CRYL1: variants seen among roughly 807,000 people sequenced by gnomAD.
CRYL1 encodes the protein lambda-crystallin homolog.
In CRYL1, 29 loss-of-function variants were observed where a neutral mutation model predicts 36.6. The observed-to-expected ratio is 0.79, with a 90% CI of 0.59 to 1.08. The LOEUF is 1.08. CRYL1 is among the 50% of genes least tolerant of loss of function. The pLI is 0.00. For missense variants in CRYL1, 411 were observed against 407.9 expected (o/e 1.01, Z -0.06); for synonymous variants, 152 against 151.5 (o/e 1.00, Z -0.02).
At chr13:20,502,095 A>G (rs749381563) in intron 2 of CRYL1, among the ~76,000 whole-genome samples, 1 of 152,116 alleles carries the variant, frequency 6.6e-6, no homozygotes, top group Non-Finnish European at 1.5e-5. Flanking sequence ...TGTTTTAAAA[A>G]TCTGGCATGC....
intron 3 of CRYL1, among the ~76,000 whole-genome samples, chr13:20,476,599 C>T (rs2033172418): frequency 6.6e-6 from 1 of 152,218 alleles, no homozygotes; most frequent in Admixed American, 6.5e-5. Flanking sequence ...GCTGATACCG[C>T]TAGGTGAGCA....
intron 3 of CRYL1, chr13:20,440,040 C>A: frequency 3.4e-6 from 1 of 293,042 alleles, no homozygotes. Flanking sequence ...CTCCCTACAC[C>A]CAGAGAAAAA....
intron 5 of CRYL1, among the ~76,000 whole-genome samples, chr13:20,427,842 T>C (rs2031967106): frequency 1.3e-5 from 2 of 150,678 alleles, no homozygotes. Flanking sequence ...GGGATATCAC[T>C]ACAGACCCTG....
chr13:20,497,742 AAC>A (rs1315420476), intron 2 of CRYL1, among the ~76,000 whole-genome samples: 2 of 148,928 alleles, frequency 1.3e-5, no homozygotes, highest in Non-Finnish European at 3.0e-5. Flanking sequence ...ACATACATAC[AAC>A]TACACACACA....
chr13:20,458,420 C>T (rs2032732954), intron 3 of CRYL1, among the ~76,000 whole-genome samples: 1 of 152,114 alleles, frequency 6.6e-6, no homozygotes, highest in Non-Finnish European at 1.5e-5. Flanking sequence ...GAGCCGTGGA[C>T]CCTTTGAAAT....
rs1218770845 is a variant in CRYL1 at position 20,508,856 on chromosome 13, AAAAAAAAAAAAAAAAAAAAC to A, written c.149+3567_149+3586del. ...GTGGCAGAGCGAGACTCCAAAAAAA[AAAAAAAAAAAAAAAAAAAAC>A]AAAAAAAAAAAACTGACAACAACAA... is the stretch of plus-strand genomic sequence containing the variant. On this transcript the variant is annotated intron_variant, in intron 2 of 7. Transcript: ENST00000298248. Among the ~76,000 whole-genome samples, 130 of 14,944 alleles carry A rather than the reference AAAAAAAAAAAAAAAAAAAAC, an allele frequency of 8.7e-3. 6 individuals carry two copies. Among genetic ancestry groups the A allele is most frequent in the South Asian group, 0.082 (9 of 110 alleles). 9.8% of individuals were successfully genotyped at this position (14,944 alleles called of 152,430 possible). A position where few individuals can be genotyped will look rare whatever the true frequency, so the allele number is the denominator to read the frequency against.
chr13:20,469,426 T>TC lies in CRYL1; in HGVS notation c.276+19943dup, dbSNP rs113082708. Among the ~76,000 whole-genome samples, 612 of 152,270 alleles carry TC rather than the reference T, an allele frequency of 4.0e-3. 3 individuals are homozygous for TC. The highest frequency in any genetic ancestry group is 0.014 in the African/African-American group (595 of 41,540). On this transcript the variant is annotated intron_variant, in intron 3 of 7. Coordinates refer to ENST00000298248, the MANE Select transcript of CRYL1 (RefSeq NM_015974.3). Reference sequence around the variant, plus strand: ...CCAGGAAGCCCTTGAGAAGTTCAGGTCTGGGTCAGCATATACTTTATCATA... The same window carrying TC: ...CCAGGAAGCCCTTGAGAAGTTCAGGTCCTGGGTCAGCATATACTTTATCATA...
intron 3 of CRYL1, among the ~76,000 whole-genome samples, chr13:20,443,795 C>T (rs1235100041): frequency 6.6e-6 from 1 of 152,174 alleles, no homozygotes; most frequent in Non-Finnish European, 1.5e-5. Context: ...AAAGAAAAAA[C>T]AAATTAGAAG....
At chr13:20,414,271 G>T (rs879878134) in intron 5 of CRYL1, among the ~76,000 whole-genome samples, 1,946 of 152,096 alleles carry the variant, frequency 0.013, 37 homozygotes, top group African/African-American at 0.044. Context: ...GTGTGTGTGT[G>T]TGTGTGAAAT....
intron 3 of CRYL1, among the ~76,000 whole-genome samples, chr13:20,473,690 G>A (rs1392174590): frequency 6.6e-6 from 1 of 152,230 alleles, no homozygotes; most frequent in African/African-American, 2.4e-5. Context: ...AGTGGGGCTA[G>A]GTACTTGCAA....
chr13:20,505,377 A>AAAAAAAAAAAAAAAAAAAAAAC (rs2033777351), intron 2 of CRYL1, among the ~76,000 whole-genome samples: 2 of 151,424 alleles, frequency 1.3e-5, no homozygotes. Flanking sequence ...AAAAAAAAAA[A>AAAAAAAAAAAAAAAAAAAAAAC]AAAAATCAGA....
intron 2 of CRYL1, among the ~76,000 whole-genome samples, chr13:20,511,732 G>T (rs189292017): frequency 6.6e-6 from 1 of 152,184 alleles, no homozygotes; most frequent in South Asian, 2.1e-4. Flanking sequence ...CGCGCCATGC[G>T]GTGAGGGTGC....
intron 3 of CRYL1, among the ~76,000 whole-genome samples, chr13:20,441,533 T>C (rs1458638556): frequency 6.6e-6 from 1 of 152,214 alleles, no homozygotes; most frequent in African/African-American, 2.4e-5. Flanking sequence ...AGCCATCTCA[T>C]GGTCTCTAAC....
rs1355022121 is a variant in CRYL1, at chr13:20,432,051, A to AGAAGGAGGGAGAAAGGAAGG, written c.633+31_633+50dup. The stretch of plus-strand genomic sequence containing the variant: ...CCTGCTCAACTTTGAGAGGGAGGGA[A>AGAAGGAGGGAGAAAGGAAGG]GAAGGAGGGAGAAAGGAAGGGAGGG... On this transcript the variant is annotated intron_variant, in intron 5 of 7. Transcript: ENST00000298248. 7 of 1,612,934 alleles carry AGAAGGAGGGAGAAAGGAAGG rather than the reference A, an allele frequency of 4.3e-6. No homozygotes were observed. The Admixed American group carries it at 1.2e-4, about 27-fold the overall frequency.
chr13:20,508,234 A>G (rs2137502929), intron 2 of CRYL1, among the ~76,000 whole-genome samples: 1 of 152,286 alleles, frequency 6.6e-6, no homozygotes, highest in South Asian at 2.1e-4. Context: ...GTCTCAAAAA[A>G]AATAAAATAA....
intron 3 of CRYL1, among the ~76,000 whole-genome samples, chr13:20,456,363 C>T (rs891655936): frequency 6.6e-6 from 1 of 151,444 alleles, no homozygotes; most frequent in African/African-American, 2.4e-5. Context: ...ATCCCAGCTA[C>T]TCAAGAGGCT....
intron 3 of CRYL1, among the ~76,000 whole-genome samples, chr13:20,460,097 T>A (rs2032776385): frequency 6.6e-6 from 1 of 152,166 alleles, no homozygotes; most frequent in Non-Finnish European, 1.5e-5. Context: ...ACCCTTAATA[T>A]CTCAAAAACA....
In CRYL1 at chr13:20,489,430, C is replaced by A. The variant is rs768271849; in HGVS notation, c.216G>T (p.Leu72=). 6.2e-7 allele frequency: 1 copy of A among 1,613,730 alleles called. No homozygotes were observed. The highest frequency in any genetic ancestry group is 8.5e-7 in the Non-Finnish European group (1 of 1,180,026). ...LKGSLSVEEQ[L]SLISGCPNIQ... ...TATTGGGACAACCACTGATGAGTGA[C>A]AGCTGCTCTTCCACACTCAGGGAGC... is the stretch of plus-strand genomic sequence containing the variant. Residue 72 remains leucine, a synonymous_variant, in exon 3 of 8, where the codon CTG becomes CTT. Coordinates refer to ENST00000298248, the MANE Select transcript of CRYL1 (RefSeq NM_015974.3).
At chr13:20,503,019 C>A (rs563323734) in intron 2 of CRYL1, among the ~76,000 whole-genome samples, 71 of 152,212 alleles carry the variant, frequency 4.7e-4, no homozygotes, top group Non-Finnish European at 7.1e-4. Flanking sequence ...CGGAAGCGCA[C>A]GGCCTCAGAA....
Sources: gnomAD v4.1 joint callset for allele counts (sites outside exome capture counted in the v4.1 genomes callset) on GRCh38, gnomAD v4.1.1 for gene constraint, MANE v1.5 for transcripts, NCBI Gene and HGNC (gene_info 2026-07-23, HGNC 2026-07-21) for gene names.